The following PCDHGA4 variants were observed in gnomAD, a reference collection of about 807,000 sequenced individuals.
PCDHGA4 encodes protocadherin gamma-A4.
Under a neutral mutation model 54.6 loss-of-function variants are expected in PCDHGA4, and 38 were observed. The observed-to-expected ratio is 0.70, with a 90% confidence interval of 0.54 to 0.91. PCDHGA4 has a LOEUF of 0.91. Among genes scored for constraint, PCDHGA4 ranks in the 40% least tolerant of loss-of-function variants. PCDHGA4 has a pLI of 0.00. For synonymous variants in PCDHGA4, 511 were observed against 512.9 expected (o/e 1.00, Z 0.05); for missense variants, 1,298 against 1,220.9 (o/e 1.06, Z -0.94).
intron 1 of PCDHGA4, chr5:141,421,647 G>C: frequency 6.2e-7 from 1 of 1,613,872 alleles, no homozygotes; most frequent in South Asian, 1.1e-5. Context: ...ACGAAGTGGA[G>C]ATAAAAGTCA....
At chr5:141,399,230 A>G (rs764321114) in intron 1 of PCDHGA4, 2 of 1,614,002 alleles carry the variant, frequency 1.2e-6, no homozygotes, top group Non-Finnish European at 1.7e-6. Context: ...ATCAAAATAC[A>G]TGACCAAGAT....
intron 1 of PCDHGA4, chr5:141,388,450 G>GATGGCAA: frequency 6.2e-7 from 1 of 1,613,844 alleles, no homozygotes; most frequent in Non-Finnish European, 8.5e-7. Flanking sequence ...TCAGATGGCA[G>GATGGCAA]TAAATACCCT....
At chr5:141,427,617 G>A (rs1295636754) in intron 1 of PCDHGA4, 3 of 694,694 alleles carry the variant, frequency 4.3e-6, no homozygotes, top group Admixed American at 2.0e-5. Flanking sequence ...TGAAGTCAAC[G>A]ACAATGCTCC....
At chr5:141,460,546 C>A (rs182506898) in intron 1 of PCDHGA4, among the ~76,000 whole-genome samples, 51 of 152,152 alleles carry the variant, frequency 3.4e-4, no homozygotes, top group African/African-American at 1.1e-3. Context: ...GCACCTTAAT[C>A]AAAAATCATT....
At chr5:141,389,413 G>A in intron 1 of PCDHGA4, 1 of 1,613,608 alleles carries the variant, frequency 6.2e-7, no homozygotes, top group South Asian at 1.1e-5. Flanking sequence ...GCGGAGAGCG[G>A]GGTGGTGTTC....
In PCDHGA4 at chr5:141,487,227, G is replaced by A. The variant is rs763361726; in HGVS notation, c.2515-7580G>A. The A allele has an allele frequency of 6.2e-7, 1 of 1,614,070 alleles. No individual in the cohort carries two copies. Among genetic ancestry groups the A allele is most frequent in the Non-Finnish European group, 8.5e-7 (1 of 1,179,952 alleles). On this transcript the variant is annotated intron_variant, in intron 1 of 3. Transcript: ENST00000571252. The surrounding 1 kb of genome is among the most constrained non-coding windows in gnomAD (Gnocchi z 5.0). The stretch of plus-strand genomic sequence containing the variant: ...CGAGAATCTTCAGCTCCAAGGGAAG[G>A]AGAATCTCGTCTAACCCTCTACTTG...
At chr5:141,393,195 G>A (rs1359316660) in intron 1 of PCDHGA4, 6 of 1,613,316 alleles carry the variant, frequency 3.7e-6, no homozygotes, top group South Asian at 1.1e-5. Context: ...TGATATTAAC[G>A]ATAATAACCC....
In PCDHGA4 at chr5:141,431,317, C is replaced by G; in HGVS notation, c.2515-63490C>G. 2 of 1,614,082 alleles carry G rather than the reference C, an allele frequency of 1.2e-6. No homozygotes were observed. The highest frequency in any genetic ancestry group is 1.7e-6 in the Non-Finnish European group (2 of 1,180,038). On this transcript the variant is annotated intron_variant, in intron 1 of 3. Transcript: ENST00000571252. The surrounding 1 kb of genome is among the most constrained non-coding windows in gnomAD (Gnocchi z 4.8). ...TCTCCCTCATCGTGCAAAATGGAGC[C>G]GACGGTAGTAAGTACCCCGAATTGG...
Position 141,487,623 on chromosome 5 carries a change from CT to C in PCDHGA4, c.2515-7181del. 1 of 1,614,206 alleles carries C rather than the reference CT, an allele frequency of 6.2e-7. No homozygotes were observed. Among genetic ancestry groups the C allele is most frequent in the Non-Finnish European group, 8.5e-7 (1 of 1,180,044 alleles). On this transcript the variant is annotated intron_variant, in intron 1 of 3. Transcript: ENST00000571252. This position sits in a 1 kb window ranked among gnomAD's most constrained non-coding sequence, Gnocchi z 5.0. ...CTTCTCTATGGGCTAGAGGTGAGAC[CT>C]TTGCAGGCTCAACAAATGCTTGAGG...
intron 1 of PCDHGA4, among the ~76,000 whole-genome samples, chr5:141,449,588 CAAAAAAAA>C (rs768743917): frequency 1.7e-5 from 1 of 57,492 alleles, no homozygotes; most frequent in South Asian, 6.3e-4. Context: ...GACTCTGTCT[CAAAAAAAA>C]AAAAAAAAAA....
chr5:141,423,423 G>C (rs1561809630), intron 1 of PCDHGA4: 2 of 1,614,096 alleles, frequency 1.2e-6, no homozygotes, highest in Non-Finnish European at 8.5e-7. Flanking sequence ...CTGAAGGCGG[G>C]TTGGCAGGTA....
intron 2 of PCDHGA4, among the ~76,000 whole-genome samples, chr5:141,498,792 G>A (rs1217057199): frequency 2.6e-5 from 4 of 152,086 alleles, no homozygotes; most frequent in Admixed American, 2.6e-4. Context: ...TATTAGCCAG[G>A]TGTGGTGGTG....
intron 1 of PCDHGA4, chr5:141,416,921 G>C (rs985660835): frequency 6.6e-6 from 1 of 151,994 alleles, no homozygotes; most frequent in Non-Finnish European, 1.5e-5. Flanking sequence ...TAGGGTCATA[G>C]TTATTAACTA....
At chr5:141,383,161 G>T (rs774337554) in intron 1 of PCDHGA4, 1 of 1,614,052 alleles carries the variant, frequency 6.2e-7, no homozygotes, top group East Asian at 2.2e-5. Flanking sequence ...GGTCACTGCG[G>T]GCAGGATAGA....
chr5:141,408,203 A>G (rs1299661641), intron 1 of PCDHGA4: 2 of 1,550,806 alleles, frequency 1.3e-6, no homozygotes, highest in African/African-American at 1.4e-5. Flanking sequence ...CGAGCGAACG[A>G]TGGGAGGGAG....
At chr5:141,421,354 G>T in intron 1 of PCDHGA4, 2 of 1,613,980 alleles carry the variant, frequency 1.2e-6, no homozygotes, top group Non-Finnish European at 1.7e-6. Context: ...GACCGAAAAG[G>T]GCTCCTTCGT....
intron 1 of PCDHGA4, chr5:141,398,042 T>C: frequency 6.7e-7 from 1 of 1,495,000 alleles, no homozygotes; most frequent in East Asian, 2.4e-5. Context: ...CTAAAGCCCG[T>C]TCGGAGATCC....
At chr5:141,506,444 C>CAAA (rs1219684339) in intron 3 of PCDHGA4, among the ~76,000 whole-genome samples, 2 of 95,018 alleles carry the variant, frequency 2.1e-5, no homozygotes, top group African/African-American at 7.9e-5. Context: ...CGCTCTGTCT[C>CAAA]AAAAAAAAAA....
At position 141,379,353 on chromosome 5, in the gene PCDHGA4, T is replaced by A. The variant is rs536207884; in HGVS notation, c.2514+21732T>A. The A allele has an allele frequency of 1.4e-4, 22 of 152,338 alleles. No individual in the cohort carries two copies. In the South Asian group the frequency reaches 4.6e-3, roughly 32 times the overall value. 9.4% of individuals were successfully genotyped at this position (152,338 alleles called of 1,614,324 possible). A position where few individuals can be genotyped will look rare whatever the true frequency, so the allele number is the denominator to read the frequency against. The stretch of plus-strand genomic sequence containing the variant: ...CATCTTCAAAGCTCATTTTCTTGTA[T>A]CTTTGTGATATAATTTGATAAAATA... On this transcript the variant is annotated intron_variant, in intron 1 of 3. Coordinates refer to ENST00000571252, the MANE Select transcript of PCDHGA4 (RefSeq NM_018917.4).
Sources: allele counts gnomAD v4.1 joint callset (sites outside exome capture counted in the v4.1 genomes callset), GRCh38; gene constraint gnomAD v4.1.1; non-coding constraint Gnocchi (gnomAD v3.1); transcripts MANE v1.5; gene names NCBI Gene and HGNC (gene_info 2026-07-23, HGNC 2026-07-21).